The following DCC variants were observed in gnomAD, a reference collection of about 807,000 sequenced individuals.
The protein encoded by DCC is DCC netrin 1 receptor, also known as netrin receptor DCC.
A neutral mutation model predicts 172.5 loss-of-function variants in DCC; 58 were observed. The observed-to-expected ratio is 0.34, with a 90% CI of 0.27 to 0.42. The LOEUF is 0.42. DCC is among the 10% of genes least tolerant of loss of function. The pLI is 1.00. For synonymous variants in DCC, 709 were observed against 644.5 expected (o/e 1.10, Z -1.52); for missense variants, 1,740 against 1,791.0 (o/e 0.97, Z 0.51).
rs150136885 is a variant in DCC at position 53,238,275 on chromosome 18, A to G, written c.1911+22678A>G. Among the ~76,000 whole-genome samples the G allele has an allele frequency of 6.7e-4, 102 of 152,102 alleles. No homozygotes were observed. In the East Asian group the frequency reaches 0.016, roughly 24 times the overall value. ...AGTGTTGGGTTCTAGGTGAATCATG[A>G]CTCCTAGAATTATTCAATGTGAACA... On this transcript the variant is annotated intron_variant, in intron 12 of 28. Transcript: ENST00000442544.
At chr18:53,482,614 A>G (rs995173428) in intron 25 of DCC, among the ~76,000 whole-genome samples, 2 of 152,066 alleles carry the variant, frequency 1.3e-5, no homozygotes, top group African/African-American at 4.8e-5. Flanking sequence ...TGTTAATAAT[A>G]TTATTGCTTG....
At chr18:53,383,419 T>C (rs1211107262) in intron 15 of DCC, among the ~76,000 whole-genome samples, 2 of 151,484 alleles carry the variant, frequency 1.3e-5, no homozygotes, top group Non-Finnish European at 2.9e-5. Context: ...ACAGCATTTA[T>C]GCTTTTCTGT....
chr18:53,117,778 G>A (rs1444382338), intron 7 of DCC, among the ~76,000 whole-genome samples: 1 of 151,662 alleles, frequency 6.6e-6, no homozygotes, highest in African/African-American at 2.4e-5. Flanking sequence ...TCAGGCAAAT[G>A]CAGCCACAGA....
intron 2 of DCC, among the ~76,000 whole-genome samples, chr18:52,761,357 G>A (rs1951194768): frequency 6.6e-6 from 1 of 152,114 alleles, no homozygotes; most frequent in Admixed American, 6.5e-5. Flanking sequence ...TTTTGGTTGG[G>A]ACACAGTCAA....
chr18:52,770,741 T>A (rs2037327559), intron 2 of DCC, among the ~76,000 whole-genome samples: 1 of 152,198 alleles, frequency 6.6e-6, no homozygotes, highest in Non-Finnish European at 1.5e-5. Flanking sequence ...AGACTTTAGT[T>A]ATCAGTGTAC....
At chr18:52,414,135 C>T (rs1268719435) in intron 1 of DCC, among the ~76,000 whole-genome samples, 1 of 152,054 alleles carries the variant, frequency 6.6e-6, no homozygotes, top group Non-Finnish European at 1.5e-5. Context: ...GGCTGGAGTG[C>T]AGTGGTGCAA....
At chr18:52,955,562 C>T (rs975258605) in intron 5 of DCC, among the ~76,000 whole-genome samples, 5 of 151,962 alleles carry the variant, frequency 3.3e-5, no homozygotes, top group African/African-American at 1.2e-4. Context: ...GGGTAAATAT[C>T]AAAGAGCATA....
At chr18:52,583,640 T>C (rs2033606084) in intron 1 of DCC, among the ~76,000 whole-genome samples, 2 of 152,208 alleles carry the variant, frequency 1.3e-5, no homozygotes, top group African/African-American at 4.8e-5. Context: ...ACGTGTATAT[T>C]TCACTTTATA....
At chr18:52,481,894 ATATT>A (rs1291694351) in intron 1 of DCC, among the ~76,000 whole-genome samples, 2 of 152,096 alleles carry the variant, frequency 1.3e-5, no homozygotes, top group African/African-American at 2.4e-5. Flanking sequence ...CTTTAAAATT[ATATT>A]TATTTCATTA....
chr18:52,600,959 A>G (rs1335067579), intron 1 of DCC, among the ~76,000 whole-genome samples: 3 of 152,290 alleles, frequency 2.0e-5, no homozygotes, highest in Non-Finnish European at 2.9e-5. Context: ...TGCCAAGATT[A>G]TGAAACAAAA....
At chr18:53,406,712 A>G (rs1599114939) in intron 19 of DCC, among the ~76,000 whole-genome samples, 1 of 114,852 alleles carries the variant, frequency 8.7e-6, no homozygotes, top group African/African-American at 2.9e-5. Context: ...TCAAAAAAAA[A>G]AAAAGAAAGA....
At chr18:52,665,263 G>T (rs1209522907) in intron 1 of DCC, among the ~76,000 whole-genome samples, 1 of 152,064 alleles carries the variant, frequency 6.6e-6, no homozygotes. Flanking sequence ...AGAATATTTG[G>T]GTTTGCTCCA....
intron 1 of DCC, among the ~76,000 whole-genome samples, chr18:52,568,469 T>C (rs1293695834): frequency 2.0e-5 from 3 of 151,980 alleles, no homozygotes; most frequent in Admixed American, 6.6e-5. Flanking sequence ...CTTTACAGAG[T>C]TGTTAAATGA....
At chr18:53,228,084 A>G (rs2056063066) in intron 12 of DCC, among the ~76,000 whole-genome samples, 2 of 152,160 alleles carry the variant, frequency 1.3e-5, no homozygotes, top group South Asian at 4.1e-4. Context: ...TGACTACAGT[A>G]TCAACATGTA....
chr18:52,753,275 A>T, intron 2 of DCC, among the ~76,000 whole-genome samples: 1 of 152,274 alleles, frequency 6.6e-6, no homozygotes. Context: ...GAAAGATGTA[A>T]AAAGATTCAT....
chr18:52,957,348 T>C (rs1316930658), intron 5 of DCC, among the ~76,000 whole-genome samples: 3 of 145,632 alleles, frequency 2.1e-5, no homozygotes, highest in Non-Finnish European at 4.7e-5. Context: ...ATAATTATAA[T>C]ATAAGGGAAC....
At chr18:52,422,752 G>T (rs753249268) in intron 1 of DCC, among the ~76,000 whole-genome samples, 5 of 152,132 alleles carry the variant, frequency 3.3e-5, no homozygotes, top group Non-Finnish European at 7.4e-5. Context: ...GCAATGGGGT[G>T]GGTTAAGAAT....
intron 2 of DCC, among the ~76,000 whole-genome samples, chr18:52,860,013 C>G (rs2039115146): frequency 6.6e-6 from 1 of 152,216 alleles, no homozygotes; most frequent in Admixed American, 6.5e-5. Flanking sequence ...GAGAGTAGAT[C>G]AGCTACAGCT....
intron 26 of DCC, among the ~76,000 whole-genome samples, chr18:53,493,539 T>C (rs2045983327): frequency 1.3e-5 from 2 of 152,222 alleles, no homozygotes; most frequent in African/African-American, 4.8e-5. Flanking sequence ...CTCTAGACTT[T>C]CTAGTTTATT....
Sources: allele counts gnomAD v4.1 joint callset (sites outside exome capture counted in the v4.1 genomes callset), GRCh38; gene constraint gnomAD v4.1.1; transcripts MANE v1.5; gene names NCBI Gene and HGNC (gene_info 2026-07-23, HGNC 2026-07-21).